The following GALNT13 variants were observed in gnomAD, a reference collection of about 807,000 sequenced individuals.
GALNT13 encodes polypeptide N-acetylgalactosaminyltransferase 13, also known as UDP-GalNAc:polypeptide N-acetylgalactosaminyltransferase 13.
GALNT13 carries 28 observed loss-of-function variants against 64.2 expected under a neutral mutation model. The observed-to-expected ratio is 0.44, with a 90% confidence interval of 0.32 to 0.60. GALNT13 has a LOEUF of 0.60. Ranked by LOEUF, GALNT13 falls within the 20% of genes least tolerant of loss-of-function variation. The probability of loss-of-function intolerance (pLI) is 0.05; values close to 1 mark genes in which losing one functional copy is unlikely to be tolerated. For synonymous variants in GALNT13, 214 were observed against 224.6 expected, an observed-to-expected ratio of 0.95 and a Z score of 0.42; for missense variants, 577 against 669.8, an observed-to-expected ratio of 0.86 and a Z score of 1.53.
chr2:153,932,431 T>G (rs1297117611), intron 2 of GALNT13, among the ~76,000 whole-genome samples: 1 of 151,918 alleles, frequency 6.6e-6, no homozygotes, highest in African/African-American at 2.4e-5. Context: ...TAGACTTTCT[T>G]CTTAATACTG....
intron 3 of GALNT13, among the ~76,000 whole-genome samples, chr2:154,072,717 G>T (rs531419422): frequency 1.3e-5 from 2 of 152,014 alleles, no homozygotes; most frequent in Non-Finnish European, 2.9e-5. Context: ...GCAACTGGTG[G>T]TAGGGCTGCA....
chr2:153,230,834 G>A, the GALNT13 span, among the ~76,000 whole-genome samples: 1 of 152,036 alleles, frequency 6.6e-6, no homozygotes, highest in Admixed American at 6.6e-5. Context: ...AATTAAATTT[G>A]GAGACTTTTC....
chr2:153,540,972 G>A, the GALNT13 span, among the ~76,000 whole-genome samples: 3 of 152,254 alleles, frequency 2.0e-5, no homozygotes, highest in African/African-American at 7.2e-5. Context: ...TAAGACTTTG[G>A]GGGACTGTTG....
chr2:154,056,642 A>G (rs1699908579), intron 3 of GALNT13, among the ~76,000 whole-genome samples: 1 of 152,168 alleles, frequency 6.6e-6, no homozygotes, highest in South Asian at 2.1e-4. Flanking sequence ...ATTGATAACA[A>G]CTGCTTAAAT....
the GALNT13 span, among the ~76,000 whole-genome samples, chr2:153,834,489 C>G: frequency 6.6e-6 from 1 of 152,072 alleles, no homozygotes; most frequent in East Asian, 1.9e-4. Context: ...CTAATCAGCA[C>G]CAAGTAATTG....
intron 3 of GALNT13, among the ~76,000 whole-genome samples, chr2:154,016,694 G>A (rs1320798183): frequency 6.6e-6 from 1 of 152,176 alleles, no homozygotes; most frequent in East Asian, 1.9e-4. Flanking sequence ...GGGATTACAG[G>A]CATGAGCCAC....
intron 3 of GALNT13, among the ~76,000 whole-genome samples, chr2:154,103,081 A>G (rs1196424207): frequency 4.0e-5 from 6 of 151,020 alleles, no homozygotes; most frequent in Non-Finnish European, 8.9e-5. Context: ...TTTTTTTTTC[A>G]TTATTCCTTC....
the GALNT13 span, among the ~76,000 whole-genome samples, chr2:153,270,399 GAGTTTT>G: frequency 6.6e-6 from 1 of 152,176 alleles, no homozygotes; most frequent in Non-Finnish European, 1.5e-5. Context: ...ATGTCTGTTA[GAGTTTT>G]AGTAACTTGT....
In GALNT13 at chr2:153,913,190, T is replaced by C. The variant is rs189968131; in HGVS notation, c.-105+12183T>C. On this transcript the variant is annotated intron_variant, in intron 2 of 12. Transcript: ENST00000392825. ...CTGTTTTCCCTGCCTAGTTTCACTT[T>C]GGCAGCAGTGTCAGTGCAAGTGGTG... Among the ~76,000 whole-genome samples, 618 of 152,268 alleles carry C rather than the reference T, an allele frequency of 4.1e-3. 3 individuals are homozygous for C. Among genetic ancestry groups the C allele is most frequent in the African/African-American group, 0.014 (591 of 41,558 alleles).
chr2:153,750,638 C>A, the GALNT13 span, among the ~76,000 whole-genome samples: 1 of 151,684 alleles, frequency 6.6e-6, no homozygotes, highest in Non-Finnish European at 1.5e-5. Context: ...CACAAATAAT[C>A]CTTTGAATTT....
chr2:153,517,697 T>C, the GALNT13 span, among the ~76,000 whole-genome samples: 2 of 152,070 alleles, frequency 1.3e-5, no homozygotes, highest in Non-Finnish European at 2.9e-5. Context: ...TCCATTAATG[T>C]AGAAGGAAAA....
chr2:153,709,544 G>A, the GALNT13 span, among the ~76,000 whole-genome samples: 1 of 151,882 alleles, frequency 6.6e-6, no homozygotes, highest in East Asian at 1.9e-4. Flanking sequence ...TGTTGGTGGG[G>A]ATTAAATTAG....
chr2:153,432,677 G>A, the GALNT13 span, among the ~76,000 whole-genome samples: 1 of 151,890 alleles, frequency 6.6e-6, no homozygotes, highest in South Asian at 2.1e-4. Context: ...CTTCTGGACT[G>A]TTTTTCTGAC....
the GALNT13 span, among the ~76,000 whole-genome samples, chr2:153,688,992 GT>G: frequency 0.25 from 874 of 3,456 alleles, 8 homozygotes; most frequent in Non-Finnish European, 0.3. Context: ...AGAGGTAGGG[GT>G]GTGTGTGTGT....
chr2:153,243,830 A>G, the GALNT13 span, among the ~76,000 whole-genome samples: 4 of 152,162 alleles, frequency 2.6e-5, no homozygotes. Context: ...ATGCAGGGTG[A>G]GAATCTGAGC....
chr2:154,338,546 GACACACC>G, intron 9 of GALNT13, among the ~76,000 whole-genome samples: 1 of 152,244 alleles, frequency 6.6e-6, no homozygotes, highest in East Asian at 1.9e-4. Context: ...CAGGAGGCAT[GACACACC>G]ATGCAGGGCC....
chr2:154,202,522 AG>A (rs536740713), intron 4 of GALNT13, among the ~76,000 whole-genome samples: 11 of 152,086 alleles, frequency 7.2e-5, no homozygotes, highest in Non-Finnish European at 1.6e-4. Flanking sequence ...CCAGGGAGCC[AG>A]GGTAACTTAA....
the GALNT13 span, among the ~76,000 whole-genome samples, chr2:153,694,215 C>T: frequency 3.8e-3 from 576 of 152,230 alleles, 4 homozygotes; most frequent in Non-Finnish European, 6.1e-3. Flanking sequence ...ACTTTCCCTT[C>T]GGCCTAGCGA....
At chr2:154,366,330 A>T (rs1697360154) in intron 9 of GALNT13, among the ~76,000 whole-genome samples, 1 of 152,200 alleles carries the variant, frequency 6.6e-6, no homozygotes, top group Admixed American at 6.5e-5. Flanking sequence ...GTACATGTGT[A>T]TTGCATATAT....
Sources: allele counts gnomAD v4.1 joint callset (sites outside exome capture counted in the v4.1 genomes callset), GRCh38; gene constraint gnomAD v4.1.1; transcripts MANE v1.5; gene names NCBI Gene and HGNC (gene_info 2026-07-23, HGNC 2026-07-21).